The following ZMYM4 variants were observed in gnomAD, a reference collection of about 807,000 sequenced individuals.
ZMYM4 encodes the protein zinc finger MYM-type protein 4.
ZMYM4 carries 31 observed loss-of-function variants against 183.2 expected under a neutral mutation model. That is an observed-to-expected ratio of 0.17 (90% confidence interval 0.13 to 0.23). ZMYM4 has a LOEUF of 0.23. ZMYM4 is among the 10% of genes least tolerant of loss of function. The pLI is 1.00. For missense variants in ZMYM4, 1,273 were observed against 1,840.3 expected (o/e 0.69, Z 5.64); for synonymous variants, 592 against 631.2 (o/e 0.94, Z 0.93).
At chr1:35,281,937 C>T (rs1001406856) in intron 1 of ZMYM4, among the ~76,000 whole-genome samples, 2 of 152,172 alleles carry the variant, frequency 1.3e-5, no homozygotes, top group Non-Finnish European at 2.9e-5. Context: ...TCTGACATTT[C>T]ACTTAGCATA....
intron 1 of ZMYM4, among the ~76,000 whole-genome samples, chr1:35,314,663 G>GTTTTTTTTTTTT (rs1641959612): frequency 8.9e-5 from 1 of 11,288 alleles, no homozygotes. Flanking sequence ...ATTCAAAAAT[G>GTTTTTTTTTTTT]ATTTTTTTTT....
intron 23 of ZMYM4, among the ~76,000 whole-genome samples, chr1:35,402,592 C>G (rs368469135): frequency 6.6e-6 from 1 of 152,144 alleles, no homozygotes; most frequent in East Asian, 1.9e-4. Flanking sequence ...GCACTCTAGT[C>G]TGGGCGACAG....
chr1:35,304,480 C>T (rs1207059631), intron 1 of ZMYM4, among the ~76,000 whole-genome samples: 5 of 147,620 alleles, frequency 3.4e-5, no homozygotes, highest in African/African-American at 5.0e-5. Flanking sequence ...TTCTTTGAGA[C>T]GGGATCTGGC....
chr1:35,351,546 A>G, intron 2 of ZMYM4: 1 of 1,157,268 alleles, frequency 8.6e-7, no homozygotes, highest in Non-Finnish European at 1.3e-6. Flanking sequence ...CAGAAGAAAG[A>G]TCAGGTAACT....
At chr1:35,309,342 A>G (rs1477722860) in intron 1 of ZMYM4, among the ~76,000 whole-genome samples, 2 of 152,180 alleles carry the variant, frequency 1.3e-5, no homozygotes, top group African/African-American at 2.4e-5. Flanking sequence ...TGATTGCATT[A>G]TGTATTCAAC....
chr1:35,283,431 G>A (rs1278288040), intron 1 of ZMYM4, among the ~76,000 whole-genome samples: 1 of 142,012 alleles, frequency 7.0e-6, no homozygotes, highest in Non-Finnish European at 1.5e-5. Context: ...TCCACCTCCT[G>A]GGTTCACGCC....
rs1191828708 is a variant in ZMYM4, at chr1:35,389,451, T to TA, written c.2436+377dup. 6.6e-6 allele frequency among the ~76,000 whole-genome samples: 1 copy of TA among 151,930 alleles called. No homozygotes were observed. The highest frequency in any genetic ancestry group is 1.5e-5 in the Non-Finnish European group (1 of 67,994). ...AAGTCTGTATGTTACATGTGTTTTT[T>TA]AAAAAAAATTAGTATAAAATCAGCT... On this transcript the variant is annotated intron_variant, in intron 14 of 29. Coordinates refer to ENST00000314607, the MANE Select transcript of ZMYM4 (RefSeq NM_005095.3). The surrounding 1 kb of genome is among the most constrained non-coding windows in gnomAD (Gnocchi z 4.0).
chr1:35,378,116 A>G (rs1296813467), intron 7 of ZMYM4, among the ~76,000 whole-genome samples: 2 of 152,216 alleles, frequency 1.3e-5, no homozygotes, highest in Non-Finnish European at 2.9e-5. Context: ...AAGTTTTATC[A>G]TGAGATTGCA....
intron 1 of ZMYM4, among the ~76,000 whole-genome samples, chr1:35,281,542 A>C (rs926621280): frequency 2.0e-5 from 3 of 152,002 alleles, no homozygotes; most frequent in Non-Finnish European, 4.4e-5. Flanking sequence ...GGTGATGGAT[A>C]TGCTAATTTG....
At chr1:35,331,791 A>AAAATAAATAAAT (rs562461345) in intron 2 of ZMYM4, among the ~76,000 whole-genome samples, 35 of 84,474 alleles carry the variant, frequency 4.1e-4, no homozygotes, top group East Asian at 1.3e-3. Flanking sequence ...CTCCATCTCA[A>AAAATAAATAAAT]AAATACATAA....
chr1:35,413,558 A>G lies in ZMYM4; in HGVS notation c.3949-414A>G, dbSNP rs934660647. Among the ~76,000 whole-genome samples the G allele has an allele frequency of 3.3e-5, 5 of 152,224 alleles. No individual in the cohort carries two copies. In the South Asian group the frequency reaches 1.0e-3, roughly 31 times the overall value. On this transcript the variant is annotated intron_variant, in intron 26 of 29. Transcript: ENST00000314607. ...TTAGCTAACTGTGTGATTGCAAGAAATGATCTTGTATCTAGGGTAAAAAAC... is the reference window on the plus strand; with the variant it reads ...TTAGCTAACTGTGTGATTGCAAGAAGTGATCTTGTATCTAGGGTAAAAAAC...
chr1:35,390,614 CT>C (rs1411396540), intron 15 of ZMYM4, among the ~76,000 whole-genome samples: 1 of 152,140 alleles, frequency 6.6e-6, no homozygotes, highest in Non-Finnish European at 1.5e-5. Context: ...GGATGTGTAC[CT>C]GCAGGTCAGA....
intron 28 of ZMYM4, among the ~76,000 whole-genome samples, chr1:35,417,724 T>C (rs1640176265): frequency 6.6e-6 from 1 of 152,054 alleles, no homozygotes; most frequent in Non-Finnish European, 1.5e-5. Context: ...AAAAGAGAGA[T>C]GGCGACCGGG....
chr1:35,358,790 A>T, intron 2 of ZMYM4, 135 bp from the exon 3 acceptor site: 1 of 745,642 alleles, frequency 1.3e-6, no homozygotes, highest in Non-Finnish European at 2.1e-6. Flanking sequence ...CCTATATCAA[A>T]GTGTTAAATG....
At chr1:35,411,638 G>T (rs1401803795) in intron 26 of ZMYM4, among the ~76,000 whole-genome samples, 1 of 152,144 alleles carries the variant, frequency 6.6e-6, no homozygotes, top group Non-Finnish European at 1.5e-5. Context: ...GCAGAAAAAG[G>T]TCATTGGATT....
chr1:35,312,627 CT>C (rs915767908), intron 1 of ZMYM4, among the ~76,000 whole-genome samples: 1 of 152,022 alleles, frequency 6.6e-6, no homozygotes, highest in African/African-American at 2.4e-5. Flanking sequence ...CAGCAAATGT[CT>C]TTTTTTCTTT....
intron 13 of ZMYM4, 141 bp downstream of exon 13, chr1:35,387,745 T>C (rs1268109232): frequency 1.7e-5 from 14 of 844,752 alleles, no homozygotes; most frequent in Non-Finnish European, 2.2e-5. Flanking sequence ...CATTTACACT[T>C]AGTTCATTCT....
chr1:35,418,682 AT>A (rs1558211876), intron 29 of ZMYM4, 110 bp downstream of exon 29: 1 of 1,388,674 alleles, frequency 7.2e-7, no homozygotes. Context: ...TTAGACAAGG[AT>A]TTACCATGAA....
intron 1 of ZMYM4, among the ~76,000 whole-genome samples, chr1:35,299,031 G>GT (rs75810224): frequency 0.056 from 7,560 of 135,306 alleles, 361 homozygotes; most frequent in African/African-American, 0.14. Context: ...AGTTTTGAAA[G>GT]TTTTTTTTTT....
Sources: allele counts gnomAD v4.1 joint callset (sites outside exome capture counted in the v4.1 genomes callset), GRCh38; gene constraint gnomAD v4.1.1; non-coding constraint Gnocchi (gnomAD v3.1); transcripts MANE v1.5; gene names NCBI Gene and HGNC (gene_info 2026-07-23, HGNC 2026-07-21).